CALCRL: variants seen among roughly 807,000 people sequenced by gnomAD.
CALCRL encodes calcitonin receptor like receptor, also known as calcitonin gene-related peptide type 1 receptor.
In CALCRL, 27 loss-of-function variants were observed where a neutral mutation model predicts 60.4. The ratio of observed to expected loss-of-function variants is 0.45; its 90% CI spans 0.33 to 0.62. The LOEUF (loss-of-function observed/expected upper bound fraction) is 0.62, where lower values mean the gene tolerates loss of function less well. Among genes scored for constraint, CALCRL ranks in the 20% least tolerant of loss-of-function variants. The pLI, the probability that CALCRL is intolerant of heterozygous loss-of-function variation, is 0.03. For missense variants in CALCRL, 424 were observed against 540.7 expected (o/e 0.78, Z 2.14); for synonymous variants, 190 against 182.6 (o/e 1.04, Z -0.33).
chr2:187,397,139 C>T (rs1688691871), intron 1 of CALCRL, among the ~76,000 whole-genome samples: 1 of 151,690 alleles, frequency 6.6e-6, no homozygotes, highest in African/African-American at 2.4e-5. Flanking sequence ...TATTATACCA[C>T]ATTAAAATTT....
chr2:187,364,174 A>G (rs903420535), intron 8 of CALCRL, among the ~76,000 whole-genome samples: 1 of 63,188 alleles, frequency 1.6e-5, no homozygotes, highest in Non-Finnish European at 3.9e-5. Context: ...CACTGTGTGG[A>G]GTTCACATAG....
chr2:187,406,635 C>G (rs1281551867), intron 1 of CALCRL, among the ~76,000 whole-genome samples: 2 of 151,798 alleles, frequency 1.3e-5, no homozygotes, highest in African/African-American at 4.8e-5. Context: ...ACTAACCATT[C>G]CTGGTAATGC....
intron 8 of CALCRL, among the ~76,000 whole-genome samples, chr2:187,377,650 A>C: frequency 6.6e-6 from 1 of 152,282 alleles, no homozygotes; most frequent in Middle Eastern, 3.4e-3. Context: ...CTATGGGAAA[A>C]GTTATAGTCA....
chr2:187,346,196 A>G lies in CALCRL; in HGVS notation c.1374T>C (p.Asn458=). ...CATCCTTCTATTTTCAATTATATAA[A>G]TTTTCTGGTTTTAAGAGAACATTTT... ...DIENVLLKPE[N]LYN Residue 458 remains asparagine (N), a synonymous_variant, in exon 15 of 15, where the codon AAT becomes AAC. Coordinates refer to ENST00000392370, the MANE Select transcript of CALCRL (RefSeq NM_005795.6). The G allele has an allele frequency of 1.3e-6, 2 of 1,595,782 alleles. No individual in the cohort carries two copies. Among genetic ancestry groups the G allele is most frequent in the Non-Finnish European group, 1.7e-6 (2 of 1,166,158 alleles).
In CALCRL at chr2:187,346,294, T is replaced by C; in HGVS notation, c.1276A>G (p.Ile426Val). The stretch of plus-strand genomic sequence containing the variant: ...TGACTATAACCTGGACCATCACTGA[T>C]TGTTGACACTGTGTAAGACGCACTA... ...LRSASYTVSTISDGPGYSHDC... is the reference protein window; with the variant it reads ...LRSASYTVSTVSDGPGYSHDC... The change falls in exon 15 of 15, where the codon ATC (isoleucine) becomes GTC (valine). Residue 426 changes from isoleucine (I) to valine (V), a missense_variant. Ile to Val is a conservative substitution (Grantham distance 29). This residue lies in a region of CALCRL where 222 missense variants were observed against 265.6 expected (regional missense o/e 0.84). Coordinates refer to ENST00000392370, the MANE Select transcript of CALCRL (RefSeq NM_005795.6). The C allele has an allele frequency of 6.2e-7, 1 of 1,612,490 alleles. No individual in the cohort carries two copies. Among genetic ancestry groups the C allele is most frequent in the African/African-American group, 1.3e-5 (1 of 74,934 alleles).
chr2:187,344,222 A>G lies in CALCRL; in HGVS notation c.*1962T>C, dbSNP rs1177821609. 6.6e-6 allele frequency: 1 copy of G among 151,716 alleles called. No homozygotes were observed. Among genetic ancestry groups the G allele is most frequent in the Non-Finnish European group, 1.5e-5 (1 of 67,710 alleles). The allele number at this position is 151,716 out of a possible 1,614,324, so 9.4% of individuals were successfully genotyped here. On this transcript the variant is annotated 3_prime_UTR_variant, in exon 15 of 15. Coordinates refer to ENST00000392370, the MANE Select transcript of CALCRL (RefSeq NM_005795.6). ...GCGTTCCTTTCTATGGCAGCTTGCTATGAAATTCATGTTTCAAACAAAACA... is the reference window on the plus strand; with the variant it reads ...GCGTTCCTTTCTATGGCAGCTTGCTGTGAAATTCATGTTTCAAACAAAACA...
chr2:187,435,869 C>CGT (rs59728362), intron 1 of CALCRL, among the ~76,000 whole-genome samples: 1 of 148,484 alleles, frequency 6.7e-6, no homozygotes, highest in African/African-American at 2.5e-5. Flanking sequence ...TTTGTGCGTG[C>CGT]GTGTGTGTGT....
chr2:187,427,813 A>G (rs1690211917), intron 1 of CALCRL, among the ~76,000 whole-genome samples: 1 of 152,200 alleles, frequency 6.6e-6, no homozygotes, highest in South Asian at 2.1e-4. Context: ...GAATGGGGTA[A>G]AGACACAATG....
At chr2:187,381,420 A>G (rs921353433) in intron 5 of CALCRL, among the ~76,000 whole-genome samples, 3 of 152,142 alleles carry the variant, frequency 2.0e-5, no homozygotes, top group Non-Finnish European at 4.4e-5. Flanking sequence ...TTAACCGACC[A>G]ATGTTCTAAT....
chr2:187,419,023 A>ATTTTTTTTT (rs33929530), intron 1 of CALCRL, among the ~76,000 whole-genome samples: 3 of 85,982 alleles, frequency 3.5e-5, no homozygotes, highest in African/African-American at 4.8e-5. Flanking sequence ...CGTCTGGCTA[A>ATTTTTTTTT]TTTTTTTTTT....
intron 8 of CALCRL, among the ~76,000 whole-genome samples, chr2:187,368,298 T>C (rs1687381982): frequency 6.6e-6 from 1 of 152,102 alleles, no homozygotes; most frequent in Admixed American, 6.6e-5. Flanking sequence ...GGTTTTTAGG[T>C]ACAAATACTA....
intron 7 of CALCRL, among the ~76,000 whole-genome samples, chr2:187,379,333 AT>A (rs572815299): frequency 5.2e-4 from 79 of 152,212 alleles, no homozygotes; most frequent in African/African-American, 1.9e-3. Context: ...ATTGATCTAG[AT>A]TATATACTAT....
At position 187,420,696 on chromosome 2, in the gene CALCRL, T is replaced by C. The variant is rs376900044; in HGVS notation, c.-293+27343A>G. On this transcript the variant is annotated intron_variant, in intron 1 of 14. Transcript: ENST00000392370. Reference sequence around the variant, plus strand: ...TTTTGAAATATGCATGTAAGAGATGTACTCTTCTGAGAGTAGAGGTGTAGG... The same window carrying C: ...TTTTGAAATATGCATGTAAGAGATGCACTCTTCTGAGAGTAGAGGTGTAGG... Among the ~76,000 whole-genome samples the C allele has an allele frequency of 6.6e-5, 10 of 152,168 alleles. No individual in the cohort carries two copies. In the East Asian group the frequency reaches 1.5e-3, roughly 23 times the overall value.
At chr2:187,425,244 T>C (rs3771070) in intron 1 of CALCRL, among the ~76,000 whole-genome samples, 6,210 of 152,060 alleles carry the variant, frequency 0.041, 183 homozygotes, top group South Asian at 0.12. Flanking sequence ...TGACAACTTA[T>C]GTTTTTGTTA....
At chr2:187,399,323 G>A (rs1343190135) in intron 1 of CALCRL, among the ~76,000 whole-genome samples, 1 of 151,386 alleles carries the variant, frequency 6.6e-6, no homozygotes. Context: ...AGCAGTATAT[G>A]CTCTTGGATA....
At chr2:187,447,592 G>T (rs751293161) in intron 1 of CALCRL, among the ~76,000 whole-genome samples, 16 of 152,030 alleles carry the variant, frequency 1.1e-4, no homozygotes, top group Non-Finnish European at 1.8e-4. Context: ...CAACCACAGA[G>T]TAAGTGAGAC....
chr2:187,407,383 A>T (rs2105839494), intron 1 of CALCRL, among the ~76,000 whole-genome samples: 1 of 152,216 alleles, frequency 6.6e-6, no homozygotes, highest in South Asian at 2.1e-4. Context: ...TCTGTTTGTA[A>T]AGTAAATAAG....
At chr2:187,435,869 C>T (rs1511881) in intron 1 of CALCRL, among the ~76,000 whole-genome samples, 140,024 of 148,544 alleles carry the variant, frequency 0.94, 65,830 homozygotes, top group East Asian at 0.98. Context: ...TTTGTGCGTG[C>T]GTGTGTGTGT....
intron 1 of CALCRL, among the ~76,000 whole-genome samples, chr2:187,426,190 A>T (rs939370056): frequency 6.6e-6 from 1 of 151,830 alleles, no homozygotes. Context: ...AGATCATTAG[A>T]TGAGCACGTA....
Sources: gnomAD v4.1 joint callset for allele counts (sites outside exome capture counted in the v4.1 genomes callset) on GRCh38, gnomAD v4.1.1 for gene constraint, gnomAD v4.1.1 regional missense constraint, MANE v1.5 for transcripts, NCBI Gene and HGNC (gene_info 2026-07-23, HGNC 2026-07-21) for gene names.